BLOC1S5: variants seen among roughly 807,000 people sequenced by gnomAD.
BLOC1S5 encodes biogenesis of lysosomal organelles complex 1 subunit 5, also known as biogenesis of lysosome-related organelles complex 1 subunit 5.
BLOC1S5 carries 27 observed loss-of-function variants against 24.3 expected under a neutral mutation model. That is an observed-to-expected ratio of 1.11 (90% confidence interval 0.82 to 1.53). BLOC1S5 has a LOEUF of 1.53. BLOC1S5 is among the 40% of genes most tolerant of loss of function. The probability of loss-of-function intolerance (pLI) is 0.00; values close to 1 mark genes in which losing one functional copy is unlikely to be tolerated. For missense variants in BLOC1S5, 239 were observed against 229.4 expected, an observed-to-expected ratio of 1.04 and a Z score of -0.27; for synonymous variants, 84 against 74.5, an observed-to-expected ratio of 1.13 and a Z score of -0.66.
At chr6:8,057,469 C>A (rs1232973993) in intron 2 of BLOC1S5, among the ~76,000 whole-genome samples, 1 of 152,178 alleles carries the variant, frequency 6.6e-6, no homozygotes, top group Non-Finnish European at 1.5e-5. Flanking sequence ...AAGCTCAGCA[C>A]TCATAAAGCT....
chr6:8,035,440 A>G (rs2113549547), intron 3 of BLOC1S5, among the ~76,000 whole-genome samples: 1 of 152,106 alleles, frequency 6.6e-6, no homozygotes, highest in South Asian at 2.1e-4. Context: ...CTATAAAGAC[A>G]TGCAAGTTCT....
At chr6:8,032,327 G>T (rs6941404) in intron 3 of BLOC1S5, among the ~76,000 whole-genome samples, 5,923 of 151,970 alleles carry the variant, frequency 0.039, 363 homozygotes, top group African/African-American at 0.13. Flanking sequence ...CTCAAAAGAA[G>T]ATATACAAAT....
intron 3 of BLOC1S5, among the ~76,000 whole-genome samples, chr6:8,039,563 C>T (rs184548988): frequency 7.4e-4 from 112 of 151,816 alleles, no homozygotes; most frequent in African/African-American, 2.5e-3. Flanking sequence ...CCCCAAAATA[C>T]GTACATTATA....
chr6:8,052,930 G>T (rs931408695), intron 2 of BLOC1S5, among the ~76,000 whole-genome samples: 1 of 151,832 alleles, frequency 6.6e-6, no homozygotes, highest in African/African-American at 2.4e-5. Flanking sequence ...CTGAAGATGT[G>T]ACTGAATTGC....
chr6:8,034,013 G>A (rs1336184764), intron 3 of BLOC1S5, among the ~76,000 whole-genome samples: 7 of 152,186 alleles, frequency 4.6e-5, no homozygotes, highest in Admixed American at 1.3e-4. Context: ...AAACAGGATC[G>A]CTTTTACACT....
At chr6:8,021,468 G>A (rs534906736) in intron 4 of BLOC1S5, among the ~76,000 whole-genome samples, 20 of 152,018 alleles carry the variant, frequency 1.3e-4, no homozygotes, top group Non-Finnish European at 2.2e-4. Context: ...GCATGATGGC[G>A]GGCACCTGTT....
At chr6:8,049,980 G>A (rs1187293862) in intron 2 of BLOC1S5, among the ~76,000 whole-genome samples, 1 of 152,098 alleles carries the variant, frequency 6.6e-6, no homozygotes. Flanking sequence ...CCAAAGTGCT[G>A]GGATTACAGG....
rs116243543 is a variant in BLOC1S5 at position 8,038,094 on chromosome 6, C to T, written c.325+3045G>A. Among the ~76,000 whole-genome samples the T allele has an allele frequency of 7.0e-3, 1,062 of 152,272 alleles. 4 individuals are homozygous for T. The highest frequency in any genetic ancestry group is 0.011 in the Non-Finnish European group (774 of 68,016). On this transcript the variant is annotated intron_variant, in intron 3 of 4. Transcript: ENST00000397457. Reference sequence around the variant, plus strand: ...AAACACTCCAGGACATTGGTCTGGGCAAAGACTTTTTTCTGTAAGACCTCA... The same window carrying T: ...AAACACTCCAGGACATTGGTCTGGGTAAAGACTTTTTTCTGTAAGACCTCA...
intron 3 of BLOC1S5, among the ~76,000 whole-genome samples, chr6:8,030,683 A>C (rs2744006): frequency 0.61 from 91,480 of 149,356 alleles, 28,701 homozygotes; most frequent in East Asian, 0.94. Context: ...ACCAGCCTGA[A>C]CAACATGGTG....
At chr6:8,029,000 T>C (rs1763198827) in intron 3 of BLOC1S5, among the ~76,000 whole-genome samples, 1 of 152,208 alleles carries the variant, frequency 6.6e-6, no homozygotes, top group South Asian at 2.1e-4. Context: ...CAAGTGCTTT[T>C]TCTCTTAACC....
chr6:8,054,229 A>C, intron 2 of BLOC1S5: 1 of 445,458 alleles, frequency 2.2e-6, no homozygotes, highest in Non-Finnish European at 4.5e-6. Context: ...AATATTTACA[A>C]GGCAATCAAT....
intron 2 of BLOC1S5, among the ~76,000 whole-genome samples, chr6:8,044,327 C>A (rs1217421531): frequency 2.0e-5 from 3 of 151,736 alleles, no homozygotes; most frequent in Admixed American, 2.0e-4. Context: ...TTTCGCCTCC[C>A]ACCATGATTC....
chr6:8,064,343 A>C lies in BLOC1S5; in HGVS notation c.34T>G (p.Cys12Gly). 1.2e-6 allele frequency: 2 copies of C among 1,612,480 alleles called. No individual in the cohort carries two copies. Among genetic ancestry groups the C allele is most frequent in the Non-Finnish European group, 1.7e-6 (2 of 1,179,780 alleles). The change falls in exon 1 of 5, where the codon TGT becomes GGT. Residue 12 changes from cysteine (C) to glycine (G), a missense_variant. Cys to Gly is a radical substitution (Grantham distance 159, BLOSUM62 -3). Coordinates refer to ENST00000397457, the MANE Select transcript of BLOC1S5 (RefSeq NM_201280.3). ...SGGGTETPVG[C>G]EAAPGGGSKK... ...CTGCCACCGCCCGGGGCGGCCTCAC[A>C]ACCCACAGGGGTCTCTGTCCCTCCG...
At chr6:8,044,836 G>C (rs1763823719) in intron 2 of BLOC1S5, among the ~76,000 whole-genome samples, 1 of 152,220 alleles carries the variant, frequency 6.6e-6, no homozygotes, top group South Asian at 2.1e-4. Flanking sequence ...CATTCAAGAG[G>C]TGACTTGGGT....
chr6:8,060,174 A>C (rs1020218502), intron 2 of BLOC1S5, among the ~76,000 whole-genome samples: 2 of 152,246 alleles, frequency 1.3e-5, no homozygotes, highest in Non-Finnish European at 2.9e-5. Flanking sequence ...TGGAGGTGAT[A>C]CTTAACCTGC....
intron 2 of BLOC1S5, among the ~76,000 whole-genome samples, chr6:8,056,049 T>C (rs1489006472): frequency 6.6e-6 from 1 of 152,132 alleles, no homozygotes; most frequent in Admixed American, 6.5e-5. Context: ...CCCCTTCTCT[T>C]TCTCTCTTAA....
In BLOC1S5 at chr6:8,015,462, G is replaced by GA; in HGVS notation, c.*186dup. 1.8e-6 allele frequency: 1 copy of GA among 566,764 alleles called. No homozygotes were observed. Among genetic ancestry groups the GA allele is most frequent in the Non-Finnish European group, 3.0e-6 (1 of 335,146 alleles). 35.1% of individuals were successfully genotyped at this position (566,764 alleles called of 1,614,324 possible). On this transcript the variant is annotated 3_prime_UTR_variant, in exon 5 of 5. Transcript: ENST00000397457. The stretch of plus-strand genomic sequence containing the variant: ...AATCATATATAGGCACTTAAAGCTG[G>GA]AAAAATGTGGCACCCTTCTTTAAAT...
intron 2 of BLOC1S5, among the ~76,000 whole-genome samples, chr6:8,056,118 C>T (rs1013174105): frequency 3.3e-5 from 5 of 152,214 alleles, no homozygotes; most frequent in South Asian, 2.1e-4. Flanking sequence ...ACTCACCAGA[C>T]GAAGCCCCTT....
At chr6:8,023,817 C>CACATGTGTATAT (rs1763010423) in intron 4 of BLOC1S5, among the ~76,000 whole-genome samples, 1 of 151,796 alleles carries the variant, frequency 6.6e-6, no homozygotes, top group Non-Finnish European at 1.5e-5. Flanking sequence ...CGTGTGTGTG[C>CACATGTGTATAT]GTGCACATGT....
Sources: gnomAD v4.1 joint callset for allele counts (sites outside exome capture counted in the v4.1 genomes callset) on GRCh38, gnomAD v4.1.1 for gene constraint, MANE v1.5 for transcripts, NCBI Gene and HGNC (gene_info 2026-07-23, HGNC 2026-07-21) for gene names.